ACCS: variants seen among roughly 807,000 people sequenced by gnomAD.
ACCS encodes the protein 1-aminocyclopropane-1-carboxylate synthase-like protein 1.
ACCS carries 42 observed loss-of-function variants against 59.8 expected under a neutral mutation model. That is an observed-to-expected ratio of 0.70 (90% CI 0.55 to 0.91). The LOEUF (loss-of-function observed/expected upper bound fraction) is 0.91, where lower values mean the gene tolerates loss of function less well. Among genes scored for constraint, ACCS ranks in the 40% least tolerant of loss-of-function variants. The pLI, the probability that ACCS is intolerant of heterozygous loss-of-function variation, is 0.00. For missense variants in ACCS, 602 were observed against 630.4 expected (o/e 0.95, Z 0.48); for synonymous variants, 230 against 240.3 (o/e 0.96, Z 0.40).
chr11:44,071,584 C>G (rs1953053048), intron 3 of ACCS: 2 of 409,018 alleles, frequency 4.9e-6, no homozygotes, highest in East Asian at 7.7e-5. Flanking sequence ...GAGGGAAACA[C>G]TCAGTGCTTT....
At chr11:44,080,401 C>G (rs1001161442) in intron 10 of ACCS, 1 of 153,276 alleles carries the variant, frequency 6.5e-6, no homozygotes, top group Non-Finnish European at 1.4e-5. Flanking sequence ...GATTGTGACT[C>G]TCATCTATTT....
In ACCS at chr11:44,067,537, A is replaced by G; in HGVS notation, c.1-91A>G. 3.7e-6 allele frequency: 5 copies of G among 1,358,912 alleles called. No homozygotes were observed. The South Asian group carries it at 7.0e-5, about 19-fold the overall frequency. The allele number at this position is 1,358,912 out of a possible 1,614,324, so 84.2% of individuals were successfully genotyped here. On this transcript the variant is annotated intron_variant, in intron 1 of 14. Transcript: ENST00000263776. ...AAACCTAAAGGAAGGGGCAGATAAG[A>G]GAAAGGGGACTCCCATGACTCCAAC...
chr11:44,073,236 A>C, intron 3 of ACCS: 1 of 592,734 alleles, frequency 1.7e-6, no homozygotes, highest in Non-Finnish European at 3.0e-6. Context: ...CAGCTCTGCC[A>C]CTTGCTAGCT....
intron 3 of ACCS, 158 bp downstream of exon 3, chr11:44,071,473 G>A (rs1953048696): frequency 1.5e-6 from 1 of 684,828 alleles, no homozygotes; most frequent in South Asian, 1.9e-5. Context: ...TTTTCTGTGT[G>A]ATCTTAGGTG....
intron 10 of ACCS, among the ~76,000 whole-genome samples, 158 bp downstream of exon 10, chr11:44,079,778 G>A (rs573256928): frequency 3.9e-5 from 6 of 152,258 alleles, no homozygotes; most frequent in East Asian, 1.9e-4. Context: ...AAGCAGGGAC[G>A]GTTGGGCTAG....
intron 2 of ACCS, among the ~76,000 whole-genome samples, chr11:44,068,946 T>C (rs1952916722): frequency 6.6e-6 from 1 of 152,172 alleles, no homozygotes; most frequent in Non-Finnish European, 1.5e-5. Context: ...TACTATATGG[T>C]GGTGAGTACT....
intron 12 of ACCS, 121 bp from the exon 13 acceptor site, chr11:44,083,048 A>G: frequency 2.3e-6 from 3 of 1,287,732 alleles, no homozygotes; most frequent in Non-Finnish European, 3.3e-6. Context: ...GCAGCCAGCT[A>G]GAGGAGGGAC....
At chr11:44,068,658 G>A (rs1226463534) in intron 2 of ACCS, among the ~76,000 whole-genome samples, 1 of 152,146 alleles carries the variant, frequency 6.6e-6, no homozygotes, top group Non-Finnish European at 1.5e-5. Context: ...AATACCTGTT[G>A]TGTAGAAGAG....
intron 9 of ACCS, chr11:44,079,033 G>A (rs1590501825): frequency 2.0e-6 from 1 of 501,642 alleles, no homozygotes; most frequent in Non-Finnish European, 3.6e-6. Flanking sequence ...AGCACTTTAT[G>A]TGCCTCATAC....
chr11:44,067,945 C>A, intron 2 of ACCS, 30 bp downstream of exon 2: 1 of 1,564,988 alleles, frequency 6.4e-7, no homozygotes, highest in South Asian at 1.2e-5. Context: ...CACTGGGACC[C>A]AAGAGAGAAC....
At chr11:44,078,129 A>G in intron 8 of ACCS, 1 of 599,934 alleles carries the variant, frequency 1.7e-6, no homozygotes. Context: ...AGACTCTCAG[A>G]CCTCAGTTCA....
chr11:44,078,079 A>T, intron 8 of ACCS, 157 bp downstream of exon 8: 1 of 977,720 alleles, frequency 1.0e-6, no homozygotes, highest in Non-Finnish European at 1.5e-6. Flanking sequence ...TCTGGGAGTC[A>T]GGCAGAACCC....
Position 44,083,426 on chromosome 11 carries a change from C to G in ACCS, c.1257C>G (p.Tyr419Ter), listed in dbSNP as rs762244459. The G allele has an allele frequency of 6.2e-7, 1 of 1,614,056 alleles. No homozygotes were observed. Among genetic ancestry groups the G allele is most frequent in the African/African-American group, 1.3e-5 (1 of 74,926 alleles). ...GFFIWVDLRK[Y>*]LPKGTFEEEM... is the part of the protein sequence containing the mutation. ...CTGAGCCCCTTCCACCCTCTCAGTA[C>G]CTGCCCAAGGGCACCTTTGAGGAGG... Residue 419 changes from tyrosine (Y) to a stop codon, truncating the protein, a stop_gained and splice_region_variant, in exon 14 of 15, where the codon TAC becomes TAG. Transcript: ENST00000263776. LOFTEE classifies it high-confidence loss of function.
chr11:44,070,668 T>C (rs1416440589), intron 2 of ACCS, among the ~76,000 whole-genome samples: 1 of 152,132 alleles, frequency 6.6e-6, no homozygotes, highest in African/African-American at 2.4e-5. Flanking sequence ...AATAAATGCC[T>C]GTGGGGTGGG....
intron 8 of ACCS, 116 bp downstream of exon 8, chr11:44,078,038 A>C (rs3134907): frequency 0.29 from 377,388 of 1,307,300 alleles, 55,231 homozygotes; most frequent in East Asian, 0.33. Context: ...GGTGATTGGG[A>C]CAGACAGGTA....
intron 3 of ACCS, chr11:44,073,242 T>C (rs1435581560): frequency 1.5e-5 from 9 of 618,416 alleles, no homozygotes; most frequent in South Asian, 1.3e-4. Context: ...TGCCACTTGC[T>C]AGCTCTGTGA....
Position 44,084,048 on chromosome 11 carries a change from A to C in ACCS, c.*256A>C. On this transcript the variant is annotated 3_prime_UTR_variant, in exon 15 of 15. Coordinates refer to ENST00000263776, the MANE Select transcript of ACCS (RefSeq NM_032592.4). ...ATGTCTCCATTGTGAGTTATTTAGAATGGAGGAGTCGTGACTGCTTCTAAC... is the reference window on the plus strand; with the variant it reads ...ATGTCTCCATTGTGAGTTATTTAGACTGGAGGAGTCGTGACTGCTTCTAAC... 1 of 635,062 alleles carries C rather than the reference A, an allele frequency of 1.6e-6. No individual in the cohort carries two copies. The highest frequency in any genetic ancestry group is 2.4e-6 in the Non-Finnish European group (1 of 413,378). 39.3% of individuals were successfully genotyped at this position (635,062 alleles called of 1,614,324 possible). A position where few individuals can be genotyped will look rare whatever the true frequency, so the allele number is the denominator to read the frequency against.
At position 44,083,162 on chromosome 11, in the gene ACCS, C is replaced by A; in HGVS notation, c.1112-7C>A. 1.2e-6 allele frequency: 2 copies of A among 1,613,734 alleles called. No individual in the cohort carries two copies. Among genetic ancestry groups the A allele is most frequent in the Non-Finnish European group, 1.7e-6 (2 of 1,179,652 alleles). On this transcript the variant is annotated splice_polypyrimidine_tract_variant and splice_region_variant and intron_variant, in intron 12 of 14. Transcript: ENST00000263776. ...TATTGATCTTCTGGCCTCTTTCACC[C>A]AAACAGACTGGATCAACCAGGTGTA...
At chr11:44,073,094 T>C (rs2134838015) in intron 3 of ACCS, among the ~76,000 whole-genome samples, 1 of 152,308 alleles carries the variant, frequency 6.6e-6, no homozygotes, top group East Asian at 1.9e-4. Context: ...GTATCTTCTA[T>C]CACCCCATGG....
Sources: gnomAD v4.1 joint callset for allele counts (sites outside exome capture counted in the v4.1 genomes callset) on GRCh38, gnomAD v4.1.1 for gene constraint, MANE v1.5 for transcripts, NCBI Gene and HGNC (gene_info 2026-07-23, HGNC 2026-07-21) for gene names.